Variants in PCBP4 observed in about 807,000 individuals in gnomAD.
PCBP4 encodes the protein poly(rC)-binding protein 4.
In PCBP4, 24 loss-of-function variants were observed where a neutral mutation model predicts 46.2. The ratio of observed to expected loss-of-function variants is 0.52; its 90% CI spans 0.38 to 0.73. The LOEUF is 0.73. Ranked by LOEUF, PCBP4 falls within the 30% of genes least tolerant of loss-of-function variation. PCBP4 has a pLI of 0.00. For synonymous variants in PCBP4, 203 were observed against 224.4 expected (o/e 0.90, Z 0.85); for missense variants, 407 against 537.0 (o/e 0.76, Z 2.39).
Position 51,957,890 on chromosome 3 carries a change from C to G in PCBP4, c.*171G>C, listed in dbSNP as rs553394362. On this transcript the variant is annotated 3_prime_UTR_variant, in exon 14 of 14. Transcript: ENST00000461554. ...AGACCCCTGGGCCAGAAACTGCCCC[C>G]ACTCTGAGAGAAAGAACTCCCATAG... The G allele has an allele frequency of 2.2e-5, 13 of 587,996 alleles. No homozygotes were observed. In the East Asian group the frequency reaches 4.0e-4, roughly 18 times the overall value. 36.4% of individuals were successfully genotyped at this position (587,996 alleles called of 1,614,324 possible).
At chr3:51,963,775 C>T (rs1385206290) in intron 1 of PCBP4, among the ~76,000 whole-genome samples, 1 of 152,222 alleles carries the variant, frequency 6.6e-6, no homozygotes, top group Non-Finnish European at 1.5e-5. Flanking sequence ...GCTGGTCTAT[C>T]TGCGCCCTTC....
rs375197599 is a variant in PCBP4, at chr3:51,963,534, G to A, written c.-212-1446C>T. On this transcript the variant is annotated intron_variant, in intron 1 of 13. Coordinates refer to ENST00000461554, the MANE Select transcript of PCBP4 (RefSeq NM_001174100.2). The stretch of plus-strand genomic sequence containing the variant: ...GGACCCCCTTGGGATGGTAACCAGT[G>A]GGAGACCTGACATTGTCCCCAAACC... Among the ~76,000 whole-genome samples the A allele has an allele frequency of 1.3e-4, 20 of 152,338 alleles. No homozygotes were observed. In the East Asian group the frequency reaches 3.7e-3, roughly 28 times the overall value.
In PCBP4 at chr3:51,959,317, C is replaced by A. The variant is rs768993089; in HGVS notation, c.637-25G>T. 5.0e-6 allele frequency: 8 copies of A among 1,613,860 alleles called. No individual in the cohort carries two copies. The highest frequency in any genetic ancestry group is 1.7e-4 in the Middle Eastern group (1 of 6,034). ...CCTGTGCCAAAGAGGGGTCAGAGGT[C>A]AGAGGAGGCATGGTTCAGGAAGGGG... is the stretch of plus-strand genomic sequence containing the variant. On this transcript the variant is annotated intron_variant, in intron 10 of 13. Transcript: ENST00000461554. This position sits in a 1 kb window ranked among gnomAD's most constrained non-coding sequence, Gnocchi z 5.6.
At position 51,960,904 on chromosome 3, in the gene PCBP4, G is replaced by A. The variant is rs748528885; in HGVS notation, c.106-6C>T. 44 of 1,609,286 alleles carry A rather than the reference G, an allele frequency of 2.7e-5. No homozygotes were observed. The African/African-American group carries it at 5.7e-4, about 21-fold the overall frequency. On this transcript the variant is annotated splice_polypyrimidine_tract_variant and splice_region_variant and intron_variant, in intron 4 of 13. Transcript: ENST00000461554. The surrounding 1 kb of genome is among the most constrained non-coding windows in gnomAD (Gnocchi z 5.0). ...CGCTTTACAGTCTCGCCCTTCTGTG[G>A]GAGGTACAAAACAGATAATCACTCT...
chr3:51,961,062 G>C (rs775058614), intron 3 of PCBP4, 29 bp from the exon 4 acceptor site: 1 of 1,614,164 alleles, frequency 6.2e-7, no homozygotes, highest in South Asian at 1.1e-5. Context: ...CCGTCAGATG[G>C]GTGCCAGTGC....
intron 1 of PCBP4, among the ~76,000 whole-genome samples, chr3:51,964,859 A>C (rs1311571065): frequency 2.0e-5 from 3 of 152,138 alleles, no homozygotes; most frequent in African/African-American, 7.2e-5. Context: ...GGGGAGTGGG[A>C]AGCCTCAGGT....
Position 51,959,632 on chromosome 3 carries a change from G to T in PCBP4, c.536C>A (p.Thr179Asn), listed in dbSNP as rs777133604. 9.7e-6 allele frequency: 15 copies of T among 1,551,818 alleles called. No individual in the cohort carries two copies. Among genetic ancestry groups the T allele is most frequent in the Non-Finnish European group, 1.1e-5 (13 of 1,147,070 alleles). Residue 179 changes from threonine to asparagine, a missense_variant, in exon 9 of 14, where the codon ACT becomes AAT. Thr to Asn is a moderately conservative substitution (Grantham distance 65). Coordinates refer to ENST00000461554, the MANE Select transcript of PCBP4 (RefSeq NM_001174100.2). This position sits in a 1 kb window ranked among gnomAD's most constrained non-coding sequence, Gnocchi z 5.6. ...GGAGAGGCTCGGATGGTAGGGGATA[G>T]TGGCTCCTTTGGGTGGGGACTGGAA... Reference protein sequence around the residue: ...VILESPPKGATIPYHPSLSLG... With the variant: ...VILESPPKGANIPYHPSLSLG...
Position 51,958,811 on chromosome 3 carries a change from G to C in PCBP4, c.902C>G (p.Ala301Gly), listed in dbSNP as rs774282214. The change falls in exon 13 of 14, where the codon GCC becomes GGC. Residue 301 changes from alanine (A) to glycine (G), a missense_variant. By Grantham distance (60) the Ala-to-Gly change is moderately conservative (BLOSUM62 0). Transcript: ENST00000461554. This position sits in a 1 kb window ranked among gnomAD's most constrained non-coding sequence, Gnocchi z 5.4. ...ITGSPVSIAL[A>G]QYLITACLET... ...TCACCAGGCAGTGATGAGGTACTGG[G>C]CCAGGGCGATGGAGACCGGAGAGCC... The C allele has an allele frequency of 3.1e-5, 50 of 1,613,514 alleles. No homozygotes were observed. The highest frequency in any genetic ancestry group is 4.1e-5 in the Non-Finnish European group (48 of 1,179,908).
At chr3:51,961,737 C>T in intron 2 of PCBP4, 1 of 993,568 alleles carries the variant, frequency 1.0e-6, no homozygotes, top group South Asian at 4.5e-5. Context: ...GGAGTTCAGG[C>T]TGAAAGCTTA....
chr3:51,960,937 G>A lies in PCBP4; in HGVS notation c.106-39C>T. The stretch of plus-strand genomic sequence containing the variant: ...AAAACAGATAATCACTCTTAACTTA[G>A]AGGTCACAGCCTCCTTCCCTGGGCT... On this transcript the variant is annotated intron_variant, in intron 4 of 13. Transcript: ENST00000461554. This position sits in a 1 kb window ranked among gnomAD's most constrained non-coding sequence, Gnocchi z 5.0. 4 of 1,614,088 alleles carry A rather than the reference G, an allele frequency of 2.5e-6. No homozygotes were observed.
Position 51,959,579 on chromosome 3 carries a change from G to T in PCBP4, c.589C>A (p.Gln197Lys). 6.4e-7 allele frequency: 1 copy of T among 1,551,954 alleles called. No homozygotes were observed. The highest frequency in any genetic ancestry group is 1.2e-5 in the South Asian group (1 of 84,084). Residue 197 changes from glutamine (Q) to lysine (K), a missense_variant and splice_region_variant, in exon 9 of 14, where the codon CAG becomes AAG. Coordinates refer to ENST00000461554, the MANE Select transcript of PCBP4 (RefSeq NM_001174100.2). The surrounding 1 kb of genome is among the most constrained non-coding windows in gnomAD (Gnocchi z 5.6). Reference sequence around the variant, plus strand: ...ACTGCTCCTGTTGTTCCCCTCACCTGGTTGGCAGAGAGAAGAACAGTACCT... The same window carrying T: ...ACTGCTCCTGTTGTTCCCCTCACCTTGTTGGCAGAGAGAAGAACAGTACCT... Reference protein sequence around the residue: ...SLGTVLLSANQGFSVQGQYGA... With the variant: ...SLGTVLLSANKGFSVQGQYGA...
intron 1 of PCBP4, among the ~76,000 whole-genome samples, chr3:51,964,538 A>C: frequency 6.6e-6 from 1 of 150,950 alleles, no homozygotes; most frequent in Non-Finnish European, 1.5e-5. Flanking sequence ...CAGCACCCCC[A>C]GCTCCCCACC....
intron 2 of PCBP4, 141 bp downstream of exon 2, chr3:51,961,800 A>G: frequency 1.0e-6 from 1 of 985,424 alleles, no homozygotes; most frequent in South Asian, 4.7e-5. Flanking sequence ...TGGAGCACAG[A>G]AGAGCAGCTG....
rs555722199 is a variant in PCBP4 at position 51,959,836 on chromosome 3, C to T, written c.516+59G>A. The T allele has an allele frequency of 1.4e-4, 220 of 1,551,354 alleles. 1 individual carries two copies. The highest frequency in any genetic ancestry group is 1.1e-3 in the Middle Eastern group (6 of 5,496). On this transcript the variant is annotated intron_variant, in intron 8 of 13. Coordinates refer to ENST00000461554, the MANE Select transcript of PCBP4 (RefSeq NM_001174100.2). The surrounding 1 kb of genome is among the most constrained non-coding windows in gnomAD (Gnocchi z 5.6). ...GCACAGGCATAGGGTTTGGGGTCCC[C>T]GACAAGGCAGACCCAGGGCCCATCT...
chr3:51,966,196 C>G lies in PCBP4; in HGVS notation c.-213+1130G>C, dbSNP rs540475196. Among the ~76,000 whole-genome samples, 4 of 152,312 alleles carry G rather than the reference C, an allele frequency of 2.6e-5. No individual in the cohort carries two copies. In the South Asian group the frequency reaches 8.3e-4, roughly 32 times the overall value. The stretch of plus-strand genomic sequence containing the variant: ...GGAGGGTGGACAGCCTGTCTGGGGA[C>G]ACAGGGTGGGGCAAGCCAGCCTCCT... On this transcript the variant is annotated intron_variant, in intron 1 of 13. Coordinates refer to ENST00000461554, the MANE Select transcript of PCBP4 (RefSeq NM_001174100.2).
In PCBP4 at chr3:51,960,749, C is replaced by T; in HGVS notation, c.139-107G>A. 6.8e-7 allele frequency: 1 copy of T among 1,472,428 alleles called. No homozygotes were observed. The highest frequency in any genetic ancestry group is 9.5e-7 in the Non-Finnish European group (1 of 1,051,318). The allele number at this position is 1,472,428 out of a possible 1,614,324, so 91.2% of individuals were successfully genotyped here. A position where few individuals can be genotyped will look rare whatever the true frequency, so the allele number is the denominator to read the frequency against. On this transcript the variant is annotated intron_variant, in intron 5 of 13. Transcript: ENST00000461554. This position sits in a 1 kb window ranked among gnomAD's most constrained non-coding sequence, Gnocchi z 5.0. ...AGGCCTGAGGCAAGGCTCAAAACTG[C>T]CACCCTCTGGGGGACTCACTGGTCA...
chr3:51,964,658 G>A (rs1299070934), intron 1 of PCBP4, among the ~76,000 whole-genome samples: 1 of 152,148 alleles, frequency 6.6e-6, no homozygotes, highest in Non-Finnish European at 1.5e-5. Flanking sequence ...GGTGGGGGTG[G>A]ACCCTGGGCC....
In PCBP4 at chr3:51,958,814, AG is replaced by A; in HGVS notation, c.898del (p.Leu300TrpfsTer10). ...TITGSPVSIA[L>X]AQYLITACLE... The stretch of plus-strand genomic sequence containing the variant: ...CCAGGCAGTGATGAGGTACTGGGCC[AG>A]GGCGATGGAGACCGGAGAGCCAGTG... On this transcript the variant is annotated frameshift_variant, in exon 13 of 14. Transcript: ENST00000461554. LOFTEE classifies it high-confidence loss of function. The surrounding 1 kb of genome is among the most constrained non-coding windows in gnomAD (Gnocchi z 5.4). 6.2e-7 allele frequency: 1 copy of A among 1,613,766 alleles called. No homozygotes were observed.
intron 2 of PCBP4, 156 bp from the exon 3 acceptor site, chr3:51,961,460 G>A (rs1700176446): frequency 3.3e-6 from 3 of 896,832 alleles, no homozygotes; most frequent in Non-Finnish European, 4.9e-6. Context: ...GGGTGCTTAT[G>A]TGTGTCTCAC....
Sources: gnomAD v4.1 joint callset for allele counts (sites outside exome capture counted in the v4.1 genomes callset) on GRCh38, gnomAD v4.1.1 for gene constraint, Gnocchi (gnomAD v3.1) non-coding constraint, MANE v1.5 for transcripts, NCBI Gene and HGNC (gene_info 2026-07-23, HGNC 2026-07-21) for gene names.